The following CARS1 variants were observed in gnomAD, a reference collection of about 807,000 sequenced individuals.
CARS1 encodes the protein cysteinyl-tRNA synthetase 1.
Under a neutral mutation model 106.2 loss-of-function variants are expected in CARS1, and 48 were observed. That is an observed-to-expected ratio of 0.45 (90% CI 0.36 to 0.57). The LOEUF (loss-of-function observed/expected upper bound fraction) is 0.57. Among genes scored for constraint, CARS1 ranks in the 20% least tolerant of loss-of-function variants. CARS1 has a pLI of 0.00. For synonymous variants in CARS1, 409 were observed against 403.4 expected (o/e 1.01, Z -0.17); for missense variants, 968 against 1,057.2 (o/e 0.92, Z 1.17).
At chr11:3,024,750 GTGT>G (rs1851890425) in intron 10 of CARS1, among the ~76,000 whole-genome samples, 1 of 152,168 alleles carries the variant, frequency 6.6e-6, no homozygotes, top group Middle Eastern at 3.2e-3. Context: ...GTCTGGCCAA[GTGT>G]TGTTATCTAA....
chr11:3,050,008 C>T lies in CARS1; in HGVS notation c.26-2007G>A, dbSNP rs1028859849. Among the ~76,000 whole-genome samples the T allele has an allele frequency of 1.3e-5, 2 of 152,220 alleles. No homozygotes were observed. The highest frequency in any genetic ancestry group is 4.8e-5 in the African/African-American group (2 of 41,448). ...CAAAGATGAGTCAGAATGGAGTGCA[C>T]AGCTGCAGCAGCAAGAATGCCCCAC... is the stretch of plus-strand genomic sequence containing the variant. On this transcript the variant is annotated intron_variant, in intron 1 of 22. Coordinates refer to ENST00000380525, the MANE Select transcript of CARS1 (RefSeq NM_001014437.3). This position sits in a 1 kb window ranked among gnomAD's most constrained non-coding sequence, Gnocchi z 6.3.
chr11:3,027,444 A>G (rs1409030911), intron 9 of CARS1: 1 of 174,208 alleles, frequency 5.7e-6, no homozygotes, highest in Non-Finnish European at 1.2e-5. Flanking sequence ...GCTGAGCACT[A>G]CTGTGGGCGG....
Position 3,040,012 on chromosome 11 carries a change from T to C in CARS1, c.456-81A>G. The C allele has an allele frequency of 1.4e-6, 1 of 697,684 alleles. No homozygotes were observed. The highest frequency in any genetic ancestry group is 2.4e-6 in the Non-Finnish European group (1 of 410,226). 43.2% of individuals were successfully genotyped at this position (697,684 alleles called of 1,614,324 possible). A position where few individuals can be genotyped will look rare whatever the true frequency, so the allele number is the denominator to read the frequency against. On this transcript the variant is annotated intron_variant, in intron 4 of 22. Coordinates refer to ENST00000380525, the MANE Select transcript of CARS1 (RefSeq NM_001014437.3). The surrounding 1 kb of genome is among the most constrained non-coding windows in gnomAD (Gnocchi z 5.8). ...TCCAACAACACGTGTTTGAACTGCA[T>C]GAGTGCATTTATATATGATTTTCTC...
At chr11:3,027,706 G>C in intron 9 of CARS1, 2 of 376,934 alleles carry the variant, frequency 5.3e-6, no homozygotes, top group Non-Finnish European at 1.1e-5. Context: ...GTGACCAGAA[G>C]ACAAGAGTGT....
intron 7 of CARS1, among the ~76,000 whole-genome samples, chr11:3,036,397 C>A (rs1192688955): frequency 6.6e-6 from 1 of 152,136 alleles, no homozygotes; most frequent in Non-Finnish European, 1.5e-5. Context: ...AAATGTCCAC[C>A]TAGAGACAAC....
At chr11:3,025,673 C>CT (rs1353241716) in intron 10 of CARS1, among the ~76,000 whole-genome samples, 3 of 152,248 alleles carry the variant, frequency 2.0e-5, no homozygotes, top group Admixed American at 2.0e-4. Context: ...AATCCCCACT[C>CT]TGCAGGGAGG....
Position 3,012,538 on chromosome 11 carries a change from G to A in CARS1, c.1987-262C>T, listed in dbSNP as rs112646737. On this transcript the variant is annotated intron_variant, in intron 17 of 22. Transcript: ENST00000380525. ...TTCTACTGCAGCAGGTGGGTCTGCC[G>A]CCGCTCTGCCCAGCTGCTGACAGGC... Among the ~76,000 whole-genome samples the A allele has an allele frequency of 6.7e-3, 1,016 of 152,310 alleles. 13 individuals carry two copies. The highest frequency in any genetic ancestry group is 0.022 in the African/African-American group (933 of 41,560).
chr11:3,019,231 C>T lies in CARS1; in HGVS notation c.1303G>A (p.Ala435Thr). ...PGWHIECSAM[A>T]GTLLGASMDI... ...ATCGAAGCCCCTAGGAGGGTGCCTGCCATGGCCGAGCACTCGATATGCCAG... is the reference window on the plus strand; with the variant it reads ...ATCGAAGCCCCTAGGAGGGTGCCTGTCATGGCCGAGCACTCGATATGCCAG... Residue 435 changes from alanine to threonine, a missense_variant, in exon 12 of 23, where the codon GCA (alanine) becomes ACA (threonine). By Grantham distance (58) the Ala-to-Thr change is moderately conservative. Coordinates refer to ENST00000380525, the MANE Select transcript of CARS1 (RefSeq NM_001014437.3). This position sits in a 1 kb window ranked among gnomAD's most constrained non-coding sequence, Gnocchi z 6.2. The T allele has an allele frequency of 6.7e-7, 1 of 1,484,862 alleles. No homozygotes were observed. The allele number at this position is 1,484,862 out of a possible 1,614,324, so 92.0% of individuals were successfully genotyped here.
rs188158040 is a variant in CARS1 at position 3,024,018 on chromosome 11, G to A, written c.1153+2658C>T. On this transcript the variant is annotated intron_variant, in intron 10 of 22. Coordinates refer to ENST00000380525, the MANE Select transcript of CARS1 (RefSeq NM_001014437.3). ...AGCGATTCTTCTGCCTCAGCCTCCC[G>A]AGTAGCTGGGACTACAGGCATGCGC... Among the ~76,000 whole-genome samples, 73 of 152,068 alleles carry A rather than the reference G, an allele frequency of 4.8e-4. No individual in the cohort carries two copies. The East Asian group carries it at 9.1e-3, about 19-fold the overall frequency.
rs770939955 is a variant in CARS1, at chr11:3,048,053, G to A, written c.26-52C>T. On this transcript the variant is annotated intron_variant, in intron 1 of 22. Coordinates refer to ENST00000380525, the MANE Select transcript of CARS1 (RefSeq NM_001014437.3). The surrounding 1 kb of genome is among the most constrained non-coding windows in gnomAD (Gnocchi z 5.1). ...CAGGCAGGCAGGCGGGCAGCCCAGA[G>A]GCCGCCAGAAAGACAGGGACTAGGG... The A allele has an allele frequency of 7.5e-6, 12 of 1,591,810 alleles. No individual in the cohort carries two copies. The highest frequency in any genetic ancestry group is 5.1e-5 in the Admixed American group (3 of 58,956).
rs1047659494 is a variant in CARS1 at position 3,037,836 on chromosome 11, C to T, written c.801+214G>A. Among the ~76,000 whole-genome samples, 3 of 152,134 alleles carry T rather than the reference C, an allele frequency of 2.0e-5. No individual in the cohort carries two copies. The East Asian group carries it at 5.8e-4, about 29-fold the overall frequency. ...GAGTCTCCTTCCAGTGGCACAGGCT[C>T]TGCACCCAGGAAATGGGGCAAAGGG... On this transcript the variant is annotated intron_variant, in intron 7 of 22. Coordinates refer to ENST00000380525, the MANE Select transcript of CARS1 (RefSeq NM_001014437.3). The surrounding 1 kb of genome is among the most constrained non-coding windows in gnomAD (Gnocchi z 5.9).
rs1027787073 is a variant in CARS1, at chr11:3,028,295, T to A, written c.1031+701A>T. The A allele has an allele frequency of 2.1e-5, 11 of 528,208 alleles. No individual in the cohort carries two copies. The highest frequency in any genetic ancestry group is 2.0e-4 in the African/African-American group (10 of 49,918). 32.7% of individuals were successfully genotyped at this position (528,208 alleles called of 1,614,324 possible). On this transcript the variant is annotated intron_variant, in intron 9 of 22. Transcript: ENST00000380525. The surrounding 1 kb of genome is among the most constrained non-coding windows in gnomAD (Gnocchi z 4.4). ...AATAAATATCAGTGCAGCCTGGCAT[T>A]CGGGGCCACTACCGGTCTCCGCGTC...
rs748154414 is a variant in CARS1 at position 3,019,184 on chromosome 11, G to A, written c.1350C>T (p.Phe450=). Residue 450 remains phenylalanine, a synonymous_variant, in exon 12 of 23, where the codon TTC becomes TTT. Transcript: ENST00000380525. This position sits in a 1 kb window ranked among gnomAD's most constrained non-coding sequence, Gnocchi z 6.2. The part of the protein sequence containing the change: ...GASMDIHGGG[F]DLRFPHHDNE... Reference sequence around the variant, plus strand: ...TGTCATGGTGGGGGAACCGGAGGTCGAACCCACCTCCGTGAATGTCCATCG... The same window carrying A: ...TGTCATGGTGGGGGAACCGGAGGTCAAACCCACCTCCGTGAATGTCCATCG... The A allele has an allele frequency of 2.6e-5, 40 of 1,528,516 alleles. No individual in the cohort carries two copies. The highest frequency in any genetic ancestry group is 5.6e-5 in the African/African-American group (4 of 71,312). 94.7% of individuals were successfully genotyped at this position (1,528,516 alleles called of 1,614,324 possible).
At chr11:3,010,747 C>G (rs891474917) in intron 18 of CARS1, among the ~76,000 whole-genome samples, 3 of 152,246 alleles carry the variant, frequency 2.0e-5, no homozygotes, top group Admixed American at 6.5e-5. Flanking sequence ...GTCCCCTGCC[C>G]GAAACAGGCC....
intron 16 of CARS1, among the ~76,000 whole-genome samples, 195 bp from the exon 17 acceptor site, chr11:3,016,044 C>G (rs372850904): frequency 6.6e-6 from 1 of 152,162 alleles, no homozygotes; most frequent in Admixed American, 6.5e-5. Context: ...CCCTGACTCA[C>G]AGCTACCCTC....
At chr11:3,026,639 G>A in intron 10 of CARS1, 37 bp downstream of exon 10, 1 of 1,608,312 alleles carries the variant, frequency 6.2e-7, no homozygotes, top group South Asian at 1.1e-5. Context: ...TGGGCCAGGA[G>A]GGAGAGCCCA....
chr11:3,040,722 T>C lies in CARS1; in HGVS notation c.455+174A>G, dbSNP rs1854337621. On this transcript the variant is annotated intron_variant, in intron 4 of 22. Coordinates refer to ENST00000380525, the MANE Select transcript of CARS1 (RefSeq NM_001014437.3). This position sits in a 1 kb window ranked among gnomAD's most constrained non-coding sequence, Gnocchi z 5.8. ...AGTGAATATAGATTACTTATGGCAT[T>C]AAAATTTTCATCTTAAAAATAAGAG... 4.3e-6 allele frequency: 3 copies of C among 696,326 alleles called. No individual in the cohort carries two copies. In the East Asian group the frequency reaches 8.1e-5, roughly 19 times the overall value. 43.1% of individuals were successfully genotyped at this position (696,326 alleles called of 1,614,324 possible). A position where few individuals can be genotyped will look rare whatever the true frequency, so the allele number is the denominator to read the frequency against.
At chr11:3,047,476 C>T (rs935627253) in intron 2 of CARS1, among the ~76,000 whole-genome samples, 23 of 152,260 alleles carry the variant, frequency 1.5e-4, no homozygotes, top group Middle Eastern at 3.4e-3. Context: ...ACCCCAGAGC[C>T]GCAGCGGCTC....
rs534083544 is a variant in CARS1 at position 3,045,625 on chromosome 11, G to A, written c.274+2128C>T. 6.6e-6 allele frequency among the ~76,000 whole-genome samples: 1 copy of A among 152,016 alleles called. No homozygotes were observed. The highest frequency in any genetic ancestry group is 2.4e-5 in the African/African-American group (1 of 41,456). ...ACAGGACACAGAAGGCACATGGGAG[G>A]AGCTGGTAACAGGCGGGCACACTGA... On this transcript the variant is annotated intron_variant, in intron 2 of 22. Transcript: ENST00000380525. This position sits in a 1 kb window ranked among gnomAD's most constrained non-coding sequence, Gnocchi z 5.6.
Sources: gnomAD v4.1 joint callset for allele counts (sites outside exome capture counted in the v4.1 genomes callset) on GRCh38, gnomAD v4.1.1 for gene constraint, Gnocchi (gnomAD v3.1) non-coding constraint, MANE v1.5 for transcripts, NCBI Gene and HGNC (gene_info 2026-07-23, HGNC 2026-07-21) for gene names.